VWA3B: variants seen among roughly 807,000 people sequenced by gnomAD.
The protein encoded by VWA3B is von Willebrand factor A domain-containing protein 3B.
VWA3B carries 138 observed loss-of-function variants against 158.3 expected under a neutral mutation model. That is an observed-to-expected ratio of 0.87 (90% CI 0.76 to 1.00). The LOEUF is 1.00. VWA3B is among the 50% of genes least tolerant of loss of function. The pLI is 0.00. For missense variants in VWA3B, 1,555 were observed against 1,565.1 expected (o/e 0.99, Z 0.11); for synonymous variants, 596 against 587.3 (o/e 1.01, Z -0.21).
chr2:98,092,942 A>T, intron 1 of VWA3B, 119 bp from the exon 2 acceptor site: 1 of 623,794 alleles, frequency 1.6e-6, no homozygotes, highest in Non-Finnish European at 2.6e-6. Flanking sequence ...GTATAATTTT[A>T]ATTGATAAAT....
At chr2:98,194,717 T>A (rs546417944) in intron 12 of VWA3B, among the ~76,000 whole-genome samples, 4 of 152,356 alleles carry the variant, frequency 2.6e-5, no homozygotes, top group Non-Finnish European at 4.4e-5. Flanking sequence ...CTCACAGTTC[T>A]CTATTTCCAG....
chr2:98,217,117 A>G (rs902924444), intron 13 of VWA3B: 28 of 522,592 alleles, frequency 5.4e-5, no homozygotes, highest in African/African-American at 5.3e-4. Context: ...CATCCCTGCA[A>G]TGGGAAACAG....
chr2:98,148,084 TGTG>T (rs1319677568), intron 7 of VWA3B, among the ~76,000 whole-genome samples: 1 of 152,208 alleles, frequency 6.6e-6, no homozygotes, highest in African/African-American at 2.4e-5. Context: ...GTATATGTGT[TGTG>T]TGGTGTATTT....
intron 1 of VWA3B, among the ~76,000 whole-genome samples, chr2:98,092,282 T>C (rs1682357793): frequency 6.6e-6 from 1 of 152,202 alleles, no homozygotes; most frequent in Non-Finnish European, 1.5e-5. Flanking sequence ...TACAGATGTG[T>C]AGTGAAGGTT....
At chr2:98,286,977 A>T (rs1258009585) in intron 22 of VWA3B, among the ~76,000 whole-genome samples, 2 of 151,996 alleles carry the variant, frequency 1.3e-5, no homozygotes, top group Non-Finnish European at 2.9e-5. Flanking sequence ...ATGGGATTTC[A>T]CTCCACCTTC....
intron 7 of VWA3B, among the ~76,000 whole-genome samples, chr2:98,153,972 C>T (rs1677850482): frequency 6.6e-6 from 1 of 152,120 alleles, no homozygotes; most frequent in Non-Finnish European, 1.5e-5. Flanking sequence ...AGCGATTCTC[C>T]TGCCTCAGCC....
At chr2:98,187,649 T>A (rs1264369854) in intron 9 of VWA3B, among the ~76,000 whole-genome samples, 1 of 142,116 alleles carries the variant, frequency 7.0e-6, no homozygotes, top group Non-Finnish European at 1.5e-5. Flanking sequence ...TCCCTCTCCC[T>A]CTCCGTCTCT....
At chr2:98,238,258 C>T (rs1012065018) in intron 19 of VWA3B, among the ~76,000 whole-genome samples, 3 of 152,142 alleles carry the variant, frequency 2.0e-5, no homozygotes, top group Non-Finnish European at 4.4e-5. Context: ...GCTACTTTGC[C>T]TCAAGGTGAG....
intron 12 of VWA3B, among the ~76,000 whole-genome samples, chr2:98,203,053 G>T (rs553587451): frequency 6.6e-6 from 1 of 152,148 alleles, no homozygotes; most frequent in South Asian, 2.1e-4. Flanking sequence ...GGATGTTCTC[G>T]ATTTCCTGAC....
rs752714897 is a variant in VWA3B, at chr2:98,181,206, C to T, written c.1305C>T (p.Thr435=). Residue 435 remains threonine (T), a synonymous_variant, in exon 9 of 28, where the codon ACC becomes ACT. Transcript: ENST00000477737. ...KAKPENESVQ[T]SAETNKKTVH... ...AACCGGAGAATGAGTCCGTGCAGAC[C>T]AGTGCGGTAGGTGAAGTGCACTCCT... is the stretch of plus-strand genomic sequence containing the variant. 19 of 1,613,820 alleles carry T rather than the reference C, an allele frequency of 1.2e-5. No individual in the cohort carries two copies. In the South Asian group the frequency reaches 2.1e-4, roughly 18 times the overall value.
chr2:98,133,572 G>A, intron 6 of VWA3B: 1 of 459,626 alleles, frequency 2.2e-6, no homozygotes. Context: ...CCATTTGGTT[G>A]AGCTAATTTA....
At chr2:98,098,642 G>C (rs2104838294) in intron 2 of VWA3B, among the ~76,000 whole-genome samples, 1 of 152,132 alleles carries the variant, frequency 6.6e-6, no homozygotes, top group Middle Eastern at 3.4e-3. Context: ...CATATAGGTG[G>C]ATCTTGTTTT....
intron 5 of VWA3B, among the ~76,000 whole-genome samples, chr2:98,126,036 G>A (rs1044295824): frequency 6.6e-6 from 1 of 152,182 alleles, no homozygotes; most frequent in Non-Finnish European, 1.5e-5. Context: ...AGGAGAGTGG[G>A]GGGGATAGGT....
intron 19 of VWA3B, chr2:98,245,646 A>T (rs369738008): frequency 2.2e-6 from 1 of 456,284 alleles, no homozygotes; most frequent in East Asian, 7.0e-5. Context: ...ACATTAAGTC[A>T]GGAGACAAGC....
intron 25 of VWA3B, among the ~76,000 whole-genome samples, chr2:98,303,163 G>A (rs1690298773): frequency 6.6e-6 from 1 of 152,100 alleles, no homozygotes; most frequent in Non-Finnish European, 1.5e-5. Context: ...GAGGCAGTTG[G>A]CCCAGGACCC....
In VWA3B at chr2:98,243,205, C is replaced by G. The variant is rs11124121; in HGVS notation, c.2673+6475C>G. On this transcript the variant is annotated intron_variant, in intron 19 of 27. Coordinates refer to ENST00000477737, the MANE Select transcript of VWA3B (RefSeq NM_144992.5). ...CAACCACCTATCCATGAACATTGTT[C>G]CATGCTGGCATATACTTATCTACTA... 4.0e-5 allele frequency among the ~76,000 whole-genome samples: 6 copies of G among 151,870 alleles called. 1 individual carries two copies. The highest frequency in any genetic ancestry group is 7.3e-5 in the African/African-American group (3 of 41,268).
intron 12 of VWA3B, among the ~76,000 whole-genome samples, chr2:98,201,304 T>G (rs770472264): frequency 6.6e-6 from 1 of 152,250 alleles, no homozygotes; most frequent in African/African-American, 2.4e-5. Context: ...TTATAAATTT[T>G]AATTCTTTAT....
chr2:98,090,340 A>G (rs1160100737), intron 1 of VWA3B, among the ~76,000 whole-genome samples: 1 of 152,204 alleles, frequency 6.6e-6, no homozygotes, highest in Non-Finnish European at 1.5e-5. Context: ...TTGGGATGAA[A>G]GTGGGTCTCA....
intron 26 of VWA3B, among the ~76,000 whole-genome samples, chr2:98,308,204 T>G (rs1408990277): frequency 1.3e-5 from 2 of 152,212 alleles, no homozygotes; most frequent in Admixed American, 6.5e-5. Context: ...TATTGCCATA[T>G]TTGCAATGTG....
Sources: allele counts gnomAD v4.1 joint callset (sites outside exome capture counted in the v4.1 genomes callset), GRCh38; gene constraint gnomAD v4.1.1; transcripts MANE v1.5; gene names NCBI Gene and HGNC (gene_info 2026-07-23, HGNC 2026-07-21).